PAH: variants seen among roughly 807,000 people sequenced by gnomAD.
PAH encodes phenylalanine-4-hydroxylase.
A neutral mutation model predicts 62.0 loss-of-function variants in PAH; 64 were observed. The observed-to-expected ratio is 1.03, with a 90% CI of 0.84 to 1.27. The LOEUF is 1.27. PAH is among the 50% of genes most tolerant of loss of function. PAH has a pLI of 0.00. For synonymous variants in PAH, 195 were observed against 196.2 expected, an observed-to-expected ratio of 0.99 and a Z score of 0.05; for missense variants, 579 against 542.8, an observed-to-expected ratio of 1.07 and a Z score of -0.66.
At chr12:102,878,268 G>C (rs900038589) in intron 3 of PAH, among the ~76,000 whole-genome samples, 1 of 152,184 alleles carries the variant, frequency 6.6e-6, no homozygotes, top group Non-Finnish European at 1.5e-5. Context: ...AAAATCTTTC[G>C]ATCGCAAAGC....
Position 102,881,820 on chromosome 12 carries a change from G to A in PAH, c.353-4270C>T, listed in dbSNP as rs185636202. ...TTTCATGGCTGAATAATATTCCATTGTGTGTGTGTCAGGAGGGTATCGCAT... is the reference window on the plus strand; with the variant it reads ...TTTCATGGCTGAATAATATTCCATTATGTGTGTGTCAGGAGGGTATCGCAT... On this transcript the variant is annotated intron_variant, in intron 3 of 12. Coordinates refer to ENST00000553106, the MANE Select transcript of PAH (RefSeq NM_000277.3). 3.8e-3 allele frequency among the ~76,000 whole-genome samples: 575 copies of A among 152,198 alleles called. 5 individuals are homozygous for A. The highest frequency in any genetic ancestry group is 0.013 in the African/African-American group (548 of 41,516).
intron 4 of PAH, among the ~76,000 whole-genome samples, chr12:102,867,750 T>C (rs1291882383): frequency 4.0e-5 from 6 of 151,556 alleles, no homozygotes; most frequent in East Asian, 2.0e-4. Flanking sequence ...GATTTTTAGA[T>C]TTGTTTTTTG....
intron 1 of PAH, among the ~76,000 whole-genome samples, chr12:102,916,180 T>C (rs1878374481): frequency 1.3e-5 from 2 of 152,108 alleles, no homozygotes; most frequent in Non-Finnish European, 2.9e-5. Context: ...AAATCAGTCC[T>C]AAGTTCTGCA....
intron 6 of PAH, 124 bp from the exon 7 acceptor site, chr12:102,853,074 G>T: frequency 9.4e-7 from 1 of 1,068,840 alleles, no homozygotes; most frequent in Non-Finnish European, 1.4e-6. Context: ...ACGCTAGGCA[G>T]ACTTGGCTTC....
In PAH at chr12:102,930,964, G is replaced by GA. The variant is rs150381305; in HGVS notation, c.-95-13740dup. Among the ~76,000 whole-genome samples, 887 of 152,080 alleles carry GA rather than the reference G, an allele frequency of 5.8e-3. 17 individuals are homozygous for GA. Among genetic ancestry groups the GA allele is most frequent in the African/African-American group, 0.021 (864 of 41,470 alleles). ...AAAAACAAATTTCAATCATGTTATA[G>GA]AAAAAATAAATTATCTGTTTATTCT... On this transcript the variant is annotated intron_variant, in intron 1 of 3. Coordinates refer to the PAH transcript ENST00000546844.
At chr12:102,867,456 G>A (rs370683391) in intron 4 of PAH, among the ~76,000 whole-genome samples, 202 of 152,302 alleles carry the variant, frequency 1.3e-3, no homozygotes, top group African/African-American at 4.7e-3. Flanking sequence ...GTGTCTTTGA[G>A]TGTTTGGGGT....
rs373997179 is a variant in PAH, at chr12:102,868,188, A to G, written c.442-1525T>C. 1.3e-3 allele frequency among the ~76,000 whole-genome samples: 47 copies of G among 35,224 alleles called. 11 individuals are homozygous for G. The highest frequency in any genetic ancestry group is 3.0e-3 in the African/African-American group (25 of 8,272). 23.1% of individuals were successfully genotyped at this position (35,224 alleles called of 152,430 possible). On this transcript the variant is annotated intron_variant, in intron 4 of 12. Transcript: ENST00000553106. Reference sequence around the variant, plus strand: ...TATACATATATGTGTATATATATATATATATATATATATATATCAGGGCCT... The same window carrying G: ...TATACATATATGTGTATATATATATGTATATATATATATATATCAGGGCCT...
intron 1 of PAH, among the ~76,000 whole-genome samples, chr12:102,943,613 C>A (rs1232632267): frequency 6.6e-6 from 1 of 151,962 alleles, no homozygotes; most frequent in Non-Finnish European, 1.5e-5. Context: ...CCCACGTGGA[C>A]AAGTTTGCTG....
upstream of PAH, among the ~76,000 whole-genome samples, chr12:102,919,730 T>C (rs1440242122): frequency 1.3e-5 from 2 of 152,176 alleles, no homozygotes; most frequent in Non-Finnish European, 2.9e-5. Context: ...TTATTTCATT[T>C]GACATAATGA....
upstream of PAH, among the ~76,000 whole-genome samples, chr12:102,954,475 C>A (rs1295585851): frequency 6.6e-6 from 1 of 152,172 alleles, no homozygotes; most frequent in Non-Finnish European, 1.5e-5. Flanking sequence ...GAGTGCTCTA[C>A]ATACATATCA....
chr12:102,878,131 A>T lies in PAH; in HGVS notation c.353-581T>A, dbSNP rs1876656657. Among the ~76,000 whole-genome samples, 5 of 152,164 alleles carry T rather than the reference A, an allele frequency of 3.3e-5. No homozygotes were observed. The South Asian group carries it at 1.0e-3, about 31-fold the overall frequency. ...TGAGCCACTGCGTCCGGCCATTAGC[A>T]GCAGAATATTACATATAGGCCCAAA... is the stretch of plus-strand genomic sequence containing the variant. On this transcript the variant is annotated intron_variant, in intron 3 of 12. Coordinates refer to ENST00000553106, the MANE Select transcript of PAH (RefSeq NM_000277.3).
chr12:102,878,796 G>A (rs548361743), intron 3 of PAH, among the ~76,000 whole-genome samples: 1 of 152,256 alleles, frequency 6.6e-6, no homozygotes, highest in Non-Finnish European at 1.5e-5. Flanking sequence ...CATCCAGAGT[G>A]CCTGCTTTGG....
chr12:102,914,949 C>T (rs900084604), intron 1 of PAH, among the ~76,000 whole-genome samples: 4 of 152,168 alleles, frequency 2.6e-5, no homozygotes, highest in African/African-American at 7.2e-5. Flanking sequence ...TGGCCTGCAT[C>T]GATCCAGCCT....
chr12:102,927,899 C>CT (rs1441785667), intron 1 of PAH, among the ~76,000 whole-genome samples: 2 of 152,140 alleles, frequency 1.3e-5, no homozygotes, highest in African/African-American at 4.8e-5. Context: ...CACATTTATT[C>CT]TTTCCCACTT....
intron 1 of PAH, chr12:102,945,960 C>T (rs1049317802): frequency 9.9e-5 from 15 of 152,204 alleles, no homozygotes; most frequent in African/African-American, 3.6e-4. Flanking sequence ...TGTTGCTGAT[C>T]ATTCAGGGCC....
chr12:102,837,831 T>C lies in PAH; in HGVS notation c.*1344A>G, dbSNP rs570645989. 6.6e-6 allele frequency: 1 copy of C among 152,342 alleles called. No individual in the cohort carries two copies. Among genetic ancestry groups the C allele is most frequent in the Non-Finnish European group, 1.5e-5 (1 of 68,026 alleles). 9.4% of individuals were successfully genotyped at this position (152,342 alleles called of 1,614,324 possible). A position where few individuals can be genotyped will look rare whatever the true frequency, so the allele number is the denominator to read the frequency against. Reference sequence around the variant, plus strand: ...ACAAATCAGGTTTTCTCAAACTGAATGTACCTGATAGAATTTGGCTATGAA... The same window carrying C: ...ACAAATCAGGTTTTCTCAAACTGAACGTACCTGATAGAATTTGGCTATGAA... On this transcript the variant is annotated 3_prime_UTR_variant, in exon 13 of 13. Transcript: ENST00000553106.
intron 5 of PAH, among the ~76,000 whole-genome samples, chr12:102,863,621 G>A (rs1029327864): frequency 5.3e-5 from 8 of 152,270 alleles, no homozygotes; most frequent in East Asian, 3.9e-4. Context: ...TTGAGTTGGC[G>A]TATCAGCCTA....
intron 5 of PAH, among the ~76,000 whole-genome samples, chr12:102,863,302 T>G (rs1448588703): frequency 1.3e-5 from 2 of 152,168 alleles, no homozygotes; most frequent in African/African-American, 4.8e-5. Flanking sequence ...CTGCAACAAA[T>G]TTCAAGAAAT....
At chr12:102,920,281 T>G (rs1288379525), upstream of PAH, among the ~76,000 whole-genome samples, 1 of 152,238 alleles carries the variant, frequency 6.6e-6, no homozygotes, top group African/African-American at 2.4e-5. Context: ...GAATGCAATG[T>G]GCTGCTATAA....
Sources: allele counts gnomAD v4.1 joint callset (sites outside exome capture counted in the v4.1 genomes callset), GRCh38; gene constraint gnomAD v4.1.1; transcripts MANE v1.5; gene names NCBI Gene and HGNC (gene_info 2026-07-23, HGNC 2026-07-21).